Variants in UNC13C observed in about 807,000 individuals in gnomAD.
UNC13C encodes the protein unc-13 homolog C, also known as protein unc-13 homolog C.
A neutral mutation model predicts 245.4 loss-of-function variants in UNC13C; 174 were observed. The ratio of observed to expected loss-of-function variants is 0.71; its 90% CI spans 0.63 to 0.80. UNC13C has a LOEUF of 0.80. UNC13C is among the 30% of genes least tolerant of loss of function. The pLI is 0.00. For missense variants in UNC13C, 2,829 were observed against 2,602.9 expected, an observed-to-expected ratio of 1.09 and a Z score of -1.89; for synonymous variants, 992 against 895.1, an observed-to-expected ratio of 1.11 and a Z score of -1.93.
intron 1 of UNC13C, among the ~76,000 whole-genome samples, chr15:53,997,683 A>G (rs2565207): frequency 0.021 from 3,218 of 151,900 alleles, 123 homozygotes; most frequent in African/African-American, 0.074. Context: ...CTATTTCTGG[A>G]CTTTCTTCTA....
At chr15:54,056,789 G>C (rs1447491233) in intron 2 of UNC13C, among the ~76,000 whole-genome samples, 1 of 152,212 alleles carries the variant, frequency 6.6e-6, no homozygotes, top group African/African-American at 2.4e-5. Context: ...AGCCAGAAGA[G>C]AGTGGGGCCC....
intron 20 of UNC13C, among the ~76,000 whole-genome samples, chr15:54,497,661 A>C (rs946881626): frequency 6.6e-6 from 1 of 152,134 alleles, no homozygotes; most frequent in African/African-American, 2.4e-5. Flanking sequence ...TTAGAGATCA[A>C]GGCTGGTCCC....
intron 2 of UNC13C, among the ~76,000 whole-genome samples, chr15:54,043,975 A>G (rs1040267842): frequency 1.3e-5 from 2 of 152,240 alleles, no homozygotes; most frequent in East Asian, 1.9e-4. Context: ...ATAAAATTCA[A>G]TAATTTTTAG....
chr15:53,918,379 T>C, the UNC13C span, among the ~76,000 whole-genome samples: 1 of 152,108 alleles, frequency 6.6e-6, no homozygotes, highest in Non-Finnish European at 1.5e-5. Context: ...CACTCTCTTA[T>C]CACAAGTCAT....
chr15:53,956,877 T>TGTGTGTGTGTGG, the UNC13C span, among the ~76,000 whole-genome samples: 7 of 136,594 alleles, frequency 5.1e-5, no homozygotes, highest in South Asian at 1.5e-3. Context: ...TAAGCTCAAG[T>TGTGTGTGTGTGG]GTGTGTGTGT....
At chr15:54,364,064 A>C (rs963794456) in intron 17 of UNC13C, among the ~76,000 whole-genome samples, 3 of 152,226 alleles carry the variant, frequency 2.0e-5, no homozygotes, top group Admixed American at 6.5e-5. Flanking sequence ...TGCTGATTGG[A>C]AACTCCAGCT....
intron 4 of UNC13C, among the ~76,000 whole-genome samples, chr15:54,208,133 A>G (rs1299999720): frequency 6.6e-6 from 1 of 152,064 alleles, no homozygotes; most frequent in East Asian, 1.9e-4. Flanking sequence ...ACACATGGTG[A>G]GAGCAGGAAA....
At chr15:54,595,339 A>G (rs976996970) in intron 30 of UNC13C, among the ~76,000 whole-genome samples, 1 of 151,976 alleles carries the variant, frequency 6.6e-6, no homozygotes, top group Non-Finnish European at 1.5e-5. Context: ...GGGAAGACCA[A>G]CTCAACTGGC....
chr15:54,005,886 A>G (rs1470715778), intron 1 of UNC13C, among the ~76,000 whole-genome samples: 2 of 152,188 alleles, frequency 1.3e-5, no homozygotes, highest in African/African-American at 4.8e-5. Context: ...AGAAAATGAT[A>G]TTTAAGGGAA....
intron 2 of UNC13C, among the ~76,000 whole-genome samples, chr15:54,118,683 A>G (rs1453518285): frequency 6.6e-6 from 1 of 152,124 alleles, no homozygotes; most frequent in Middle Eastern, 3.2e-3. Flanking sequence ...ATTATATTGG[A>G]TAAAAGTGGT....
At chr15:53,861,744 C>A in the UNC13C span, among the ~76,000 whole-genome samples, 2 of 152,314 alleles carry the variant, frequency 1.3e-5, no homozygotes, top group East Asian at 3.9e-4. Context: ...GCTTGGCCTT[C>A]ATTACCTCTC....
intron 4 of UNC13C, among the ~76,000 whole-genome samples, chr15:54,152,639 C>T (rs915093728): frequency 6.6e-6 from 1 of 152,058 alleles, no homozygotes; most frequent in Non-Finnish European, 1.5e-5. Context: ...TAAAGTGGTG[C>T]AAGTTTAGTA....
At chr15:54,428,866 T>C (rs1411610130) in intron 19 of UNC13C, among the ~76,000 whole-genome samples, 2 of 151,726 alleles carry the variant, frequency 1.3e-5, no homozygotes, top group Non-Finnish European at 2.9e-5. Context: ...TCCTGACTCC[T>C]GCCCCACCCT....
chr15:54,362,652 CAA>C (rs2039261478), intron 17 of UNC13C, among the ~76,000 whole-genome samples: 1 of 152,118 alleles, frequency 6.6e-6, no homozygotes, highest in South Asian at 2.1e-4. Context: ...AGGACCCACT[CAA>C]GAGCTACTGA....
At chr15:54,447,393 G>C (rs1890877710) in intron 19 of UNC13C, among the ~76,000 whole-genome samples, 1 of 152,116 alleles carries the variant, frequency 6.6e-6, no homozygotes, top group Non-Finnish European at 1.5e-5. Context: ...CTGTGAATCT[G>C]TCTGGTCCTG....
intron 2 of UNC13C, among the ~76,000 whole-genome samples, chr15:54,030,491 T>G (rs1254698806): frequency 6.6e-6 from 1 of 152,172 alleles, no homozygotes; most frequent in African/African-American, 2.4e-5. Flanking sequence ...GGGTAGAAAT[T>G]ATTGTTAGTA....
chr15:54,421,833 A>C (rs572109992), intron 19 of UNC13C, among the ~76,000 whole-genome samples: 5 of 152,176 alleles, frequency 3.3e-5, no homozygotes, highest in African/African-American at 1.2e-4. Flanking sequence ...TAATACACAC[A>C]CTTATGTATT....
intron 10 of UNC13C, among the ~76,000 whole-genome samples, chr15:54,284,125 G>A (rs150291607): frequency 0.02 from 3,080 of 152,134 alleles, 53 homozygotes; most frequent in Middle Eastern, 0.048. Flanking sequence ...TTCTATGGAC[G>A]GGTAAATTTT....
intron 2 of UNC13C, among the ~76,000 whole-genome samples, chr15:54,080,890 T>G (rs1469084068): frequency 6.6e-6 from 1 of 152,064 alleles, no homozygotes; most frequent in African/African-American, 2.4e-5. Context: ...TTCCTTTAGG[T>G]GCAGCATTAG....
Sources: gnomAD v4.1 joint callset for allele counts (sites outside exome capture counted in the v4.1 genomes callset) on GRCh38, gnomAD v4.1.1 for gene constraint, MANE v1.5 for transcripts, NCBI Gene and HGNC (gene_info 2026-07-23, HGNC 2026-07-21) for gene names.